Variants in RASA2 observed in about 807,000 individuals in gnomAD.
The protein encoded by RASA2 is RAS p21 protein activator 2.
A neutral mutation model predicts 118.2 loss-of-function variants in RASA2; 155 were observed. The observed-to-expected ratio is 1.31, with a 90% CI of 1.15 to 1.50. The LOEUF (loss-of-function observed/expected upper bound fraction) is 1.50, where lower values mean the gene tolerates loss of function less well. RASA2 is among the 40% of genes most tolerant of loss of function. The probability of loss-of-function intolerance (pLI) is 0.00; values close to 1 mark genes in which losing one functional copy is unlikely to be tolerated. For synonymous variants in RASA2, 353 were observed against 349.1 expected, an observed-to-expected ratio of 1.01 and a Z score of -0.12; for missense variants, 1,016 against 1,009.6, an observed-to-expected ratio of 1.01 and a Z score of -0.09.
intron 5 of RASA2, among the ~76,000 whole-genome samples, chr3:141,549,976 A>G (rs1293923795): frequency 6.6e-6 from 1 of 152,262 alleles, no homozygotes; most frequent in African/African-American, 2.4e-5. Flanking sequence ...AAATAAATAT[A>G]AGCGAATACT....
At chr3:141,520,724 G>A (rs184774878) in intron 3 of RASA2, among the ~76,000 whole-genome samples, 6 of 151,948 alleles carry the variant, frequency 3.9e-5, no homozygotes, top group African/African-American at 9.7e-5. Context: ...ATATACACAC[G>A]CAGATATTAT....
At chr3:141,534,382 A>G (rs1051532714) in intron 4 of RASA2, among the ~76,000 whole-genome samples, 3 of 152,136 alleles carry the variant, frequency 2.0e-5, no homozygotes, top group Admixed American at 1.3e-4. Context: ...AGGGGGGGGA[A>G]AAAGAGTGAT....
At chr3:141,547,198 A>G (rs1379159156) in intron 5 of RASA2, among the ~76,000 whole-genome samples, 1 of 151,972 alleles carries the variant, frequency 6.6e-6, no homozygotes, top group Non-Finnish European at 1.5e-5. Context: ...TTGTGGTTTC[A>G]TATAAATTTT....
intron 17 of RASA2, among the ~76,000 whole-genome samples, chr3:141,581,789 C>T (rs1008887781): frequency 2.0e-4 from 31 of 152,024 alleles, no homozygotes; most frequent in African/African-American, 6.8e-4. Context: ...GTACAAAAAC[C>T]TGTAGTATAT....
At chr3:141,543,711 T>G (rs1247425561) in intron 5 of RASA2, among the ~76,000 whole-genome samples, 1 of 152,144 alleles carries the variant, frequency 6.6e-6, no homozygotes, top group African/African-American at 2.4e-5. Context: ...TTTCCACATT[T>G]GAAAATGTAC....
At chr3:141,581,199 A>C in intron 17 of RASA2, 22 bp downstream of exon 17, 1 of 1,411,310 alleles carries the variant, frequency 7.1e-7, no homozygotes, top group Non-Finnish European at 9.4e-7. Flanking sequence ...TTATTCTGGA[A>C]TTGTTAATAT....
At chr3:141,499,879 G>A (rs1307242908) in intron 1 of RASA2, among the ~76,000 whole-genome samples, 6 of 152,174 alleles carry the variant, frequency 3.9e-5, no homozygotes, top group African/African-American at 9.7e-5. Flanking sequence ...ATGAGCCACC[G>A]TGCCTGGCCA....
At position 141,580,447 on chromosome 3, in the gene RASA2, G is replaced by A. The variant is rs754546760; in HGVS notation, c.1670G>A (p.Ser557Asn). 7 of 1,591,478 alleles carry A rather than the reference G, an allele frequency of 4.4e-6. No individual in the cohort carries two copies. In the South Asian group the frequency reaches 4.4e-5, roughly 10 times the overall value. ...TLGSWGSLSKSKSSFKETFMC... is the reference protein window; with the variant it reads ...TLGSWGSLSKNKSSFKETFMC... The stretch of plus-strand genomic sequence containing the variant: ...GGAAGCTGGGGGAGTCTGTCCAAAA[G>A]CAAGGTAAGTCCTTACATCTTTTAT... Residue 557 changes from serine to asparagine, a missense_variant, in exon 16 of 24, where the codon AGC becomes AAC. By Grantham distance (46) the Ser-to-Asn change is conservative. Transcript: ENST00000286364.
chr3:141,487,836 C>T (rs2081596985), intron 1 of RASA2, among the ~76,000 whole-genome samples: 1 of 152,112 alleles, frequency 6.6e-6, no homozygotes, highest in Non-Finnish European at 1.5e-5. Flanking sequence ...GGGTGAGCGC[C>T]CCGGGAGGAG....
At chr3:141,513,978 T>C (rs1294034734) in intron 2 of RASA2, among the ~76,000 whole-genome samples, 3 of 152,140 alleles carry the variant, frequency 2.0e-5, no homozygotes, top group Admixed American at 6.5e-5. Context: ...AATGAACTTA[T>C]AAAAATAAGC....
chr3:141,600,220 T>A, intron 19 of RASA2: 1 of 469,536 alleles, frequency 2.1e-6, no homozygotes, highest in South Asian at 1.7e-5. Flanking sequence ...AATGGAGATG[T>A]GTAAAAAGGT....
intron 15 of RASA2, among the ~76,000 whole-genome samples, chr3:141,578,286 C>T (rs551193561): frequency 6.6e-6 from 1 of 152,322 alleles, no homozygotes; most frequent in Non-Finnish European, 1.5e-5. Flanking sequence ...CAGTCTTTAT[C>T]ATCTGTGAGC....
chr3:141,587,713 CAAAAAAAAAAA>C (rs1156964232), intron 19 of RASA2, among the ~76,000 whole-genome samples: 1 of 55,846 alleles, frequency 1.8e-5, no homozygotes, highest in Middle Eastern at 0.01. Context: ...GACTCCATCT[CAAAAAAAAAAA>C]AAAAAAAAAG....
At chr3:141,541,815 T>G (rs1163299547) in intron 5 of RASA2, among the ~76,000 whole-genome samples, 4 of 151,806 alleles carry the variant, frequency 2.6e-5, no homozygotes, top group Non-Finnish European at 4.4e-5. Flanking sequence ...TAAACCAGTT[T>G]TTTTTTTTTT....
chr3:141,539,875 T>G (rs2082382496), intron 4 of RASA2, among the ~76,000 whole-genome samples: 1 of 152,204 alleles, frequency 6.6e-6, no homozygotes, highest in Non-Finnish European at 1.5e-5. Flanking sequence ...AAGTACTCCT[T>G]TATTTTCAGT....
chr3:141,543,876 C>CTTTTTTTTTTTTTTTTTTCTT (rs529631210), intron 5 of RASA2, among the ~76,000 whole-genome samples: 1 of 117,316 alleles, frequency 8.5e-6, no homozygotes, highest in Non-Finnish European at 1.7e-5. Flanking sequence ...TTTCTTTTTT[C>CTTTTTTTTTTTTTTTTTTCTT]TTTTTTTTTT....
intron 4 of RASA2, among the ~76,000 whole-genome samples, chr3:141,536,761 C>CTTTT (rs778644144): frequency 2.4e-5 from 3 of 127,464 alleles, no homozygotes; most frequent in African/African-American, 2.9e-5. Flanking sequence ...TTGTTAGATT[C>CTTTT]TTTTTTTTTT....
intron 3 of RASA2, among the ~76,000 whole-genome samples, chr3:141,518,415 A>G (rs1444786900): frequency 7.4e-6 from 1 of 134,488 alleles, no homozygotes; most frequent in Non-Finnish European, 1.6e-5. Flanking sequence ...TCCGGGAGGC[A>G]GAGGTTGCAG....
intron 3 of RASA2, among the ~76,000 whole-genome samples, chr3:141,526,941 G>T (rs956149101): frequency 6.6e-6 from 1 of 152,176 alleles, no homozygotes; most frequent in Non-Finnish European, 1.5e-5. Context: ...ACTAAGAGAG[G>T]ATTCTCTTTT....
Sources: gnomAD v4.1 joint callset for allele counts (sites outside exome capture counted in the v4.1 genomes callset) on GRCh38, gnomAD v4.1.1 for gene constraint, MANE v1.5 for transcripts, NCBI Gene and HGNC (gene_info 2026-07-23, HGNC 2026-07-21) for gene names.